TSPAN9: variants seen among roughly 807,000 people sequenced by gnomAD.
TSPAN9 encodes tetraspanin 9, also known as tetraspanin-9.
A neutral mutation model predicts 31.0 loss-of-function variants in TSPAN9; 16 were observed. The observed-to-expected ratio is 0.52, with a 90% CI of 0.35 to 0.78. TSPAN9 has a LOEUF of 0.78. Ranked by LOEUF, TSPAN9 falls within the 30% of genes least tolerant of loss-of-function variation. The pLI, the probability that TSPAN9 is intolerant of heterozygous loss-of-function variation, is 0.01. For synonymous variants in TSPAN9, 145 were observed against 121.6 expected, an observed-to-expected ratio of 1.19 and a Z score of -1.27; for missense variants, 272 against 312.5, an observed-to-expected ratio of 0.87 and a Z score of 0.98.
At chr12:3,146,799 G>T (rs2098337460) in intron 2 of TSPAN9, among the ~76,000 whole-genome samples, 2 of 152,050 alleles carry the variant, frequency 1.3e-5, no homozygotes, top group Non-Finnish European at 2.9e-5. Flanking sequence ...CTTTCTGCTT[G>T]TGCGTCTGGA....
chr12:3,270,870 G>A (rs528624667), intron 3 of TSPAN9, among the ~76,000 whole-genome samples: 1 of 152,378 alleles, frequency 6.6e-6, no homozygotes, highest in Admixed American at 6.5e-5. Context: ...AGGGGTTTTG[G>A]TCAATTGGGG....
At chr12:3,103,121 C>A (rs1408479502) in intron 2 of TSPAN9, among the ~76,000 whole-genome samples, 1 of 152,200 alleles carries the variant, frequency 6.6e-6, no homozygotes, top group Non-Finnish European at 1.5e-5. Context: ...TACATTCTGT[C>A]GTGATGTGCA....
intron 3 of TSPAN9, among the ~76,000 whole-genome samples, chr12:3,267,884 T>C (rs1408704782): frequency 6.6e-6 from 1 of 152,156 alleles, no homozygotes; most frequent in East Asian, 1.9e-4. Flanking sequence ...CTGCCCAACG[T>C]AGAGTGCCCA....
rs116720033 is a variant in TSPAN9, at chr12:3,080,264, A to G, written c.-85+2811A>G. Reference sequence around the variant, plus strand: ...GTAAGATATTGGCAGCCACTCAATCAATTAGGAAGTGTGCTTTATATAAAA... The same window carrying G: ...GTAAGATATTGGCAGCCACTCAATCGATTAGGAAGTGTGCTTTATATAAAA... On this transcript the variant is annotated intron_variant, in intron 1 of 8. Transcript: ENST00000011898. Among the ~76,000 whole-genome samples the G allele has an allele frequency of 3.3e-3, 503 of 152,336 alleles. 1 individual carries two copies. The highest frequency in any genetic ancestry group is 0.012 in the African/African-American group (481 of 41,564).
intron 3 of TSPAN9, among the ~76,000 whole-genome samples, chr12:3,230,439 T>C (rs1779044703): frequency 6.6e-6 from 1 of 152,042 alleles, no homozygotes; most frequent in Admixed American, 6.6e-5. Context: ...CCTGCCTGCC[T>C]TCACCCCACC....
rs561247653 is a variant in TSPAN9 at position 3,174,778 on chromosome 12, T to G, written c.-17-26399T>G. ...TTTGTATTTTTAGTAGAGACGGGGT[T>G]TCACCGTGTTAGCCAGGATGGTCTC... On this transcript the variant is annotated intron_variant, in intron 2 of 8. Coordinates refer to ENST00000011898, the MANE Select transcript of TSPAN9 (RefSeq NM_006675.5). 8.1e-5 allele frequency among the ~76,000 whole-genome samples: 12 copies of G among 147,540 alleles called. No individual in the cohort carries two copies. In the East Asian group the frequency reaches 2.3e-3, roughly 28 times the overall value.
chr12:3,211,548 G>T, intron 3 of TSPAN9: 1 of 858,620 alleles, frequency 1.2e-6, no homozygotes, highest in South Asian at 1.7e-5. Context: ...TATTTTGGTT[G>T]ACCTTTCATT....
intron 3 of TSPAN9, among the ~76,000 whole-genome samples, chr12:3,277,336 A>G (rs1272407727): frequency 6.6e-6 from 1 of 152,132 alleles, no homozygotes; most frequent in African/African-American, 2.4e-5. Flanking sequence ...TGCCTCCTTC[A>G]ACTGGCTTCC....
At chr12:3,130,243 C>T (rs549933299) in intron 2 of TSPAN9, among the ~76,000 whole-genome samples, 3 of 152,220 alleles carry the variant, frequency 2.0e-5, no homozygotes, top group South Asian at 2.1e-4. Flanking sequence ...ATTTGGCAGC[C>T]GCTTGAAGCA....
At chr12:3,217,573 C>T (rs1045318225) in intron 3 of TSPAN9, among the ~76,000 whole-genome samples, 2 of 152,174 alleles carry the variant, frequency 1.3e-5, no homozygotes, top group African/African-American at 4.8e-5. Context: ...AGTTGAGTCA[C>T]CCCAGACCAT....
chr12:3,196,179 C>G (rs992957618), intron 2 of TSPAN9, among the ~76,000 whole-genome samples: 1 of 152,164 alleles, frequency 6.6e-6, no homozygotes, highest in African/African-American at 2.4e-5. Flanking sequence ...CCTAGAGCTG[C>G]CTTCCTGAGG....
chr12:3,237,758 C>T (rs1436651812), intron 3 of TSPAN9, among the ~76,000 whole-genome samples: 1 of 152,212 alleles, frequency 6.6e-6, no homozygotes, highest in Non-Finnish European at 1.5e-5. Flanking sequence ...CAGCTTGCCC[C>T]CTTCCCTTCC....
intron 3 of TSPAN9, among the ~76,000 whole-genome samples, chr12:3,268,373 T>C (rs1244926242): frequency 4.4e-5 from 3 of 67,674 alleles, no homozygotes; most frequent in Non-Finnish European, 1.0e-4. Flanking sequence ...GCCCTCTCTG[T>C]GTTCCTGCAG....
At chr12:3,079,608 C>G (rs1255099491) in intron 1 of TSPAN9, among the ~76,000 whole-genome samples, 1 of 152,010 alleles carries the variant, frequency 6.6e-6, no homozygotes, top group Non-Finnish European at 1.5e-5. Context: ...ATTACAGGTG[C>G]CCGCCACCAC....
intron 2 of TSPAN9, among the ~76,000 whole-genome samples, chr12:3,167,459 G>A (rs961698508): frequency 2.0e-5 from 3 of 152,198 alleles, no homozygotes; most frequent in Admixed American, 6.5e-5. Context: ...GTGAGCCCCT[G>A]GAGATTGGGC....
intron 2 of TSPAN9, among the ~76,000 whole-genome samples, chr12:3,167,780 G>T (rs1178850811): frequency 6.6e-6 from 1 of 152,190 alleles, no homozygotes; most frequent in Non-Finnish European, 1.5e-5. Flanking sequence ...GACCTGGTGT[G>T]CAGGGGCCAG....
At chr12:3,096,001 C>T (rs1484866571) in intron 2 of TSPAN9, among the ~76,000 whole-genome samples, 3 of 148,224 alleles carry the variant, frequency 2.0e-5, no homozygotes, top group Non-Finnish European at 4.5e-5. Flanking sequence ...TCCTTGCCCT[C>T]GGGCCCCGCG....
chr12:3,136,333 A>C (rs1452026610), intron 2 of TSPAN9, among the ~76,000 whole-genome samples: 1 of 152,056 alleles, frequency 6.6e-6, no homozygotes, highest in Non-Finnish European at 1.5e-5. Context: ...GTCACGCACC[A>C]CTCATCGTGG....
intron 2 of TSPAN9, among the ~76,000 whole-genome samples, chr12:3,135,300 G>A (rs2098331599): frequency 2.0e-5 from 3 of 152,102 alleles, no homozygotes; most frequent in Admixed American, 1.3e-4. Context: ...TGCTCAGGCT[G>A]GTCTGGAACT....
Sources: gnomAD v4.1 joint callset for allele counts (sites outside exome capture counted in the v4.1 genomes callset) on GRCh38, gnomAD v4.1.1 for gene constraint, MANE v1.5 for transcripts, NCBI Gene and HGNC (gene_info 2026-07-23, HGNC 2026-07-21) for gene names.